SUCLA2: variants seen among roughly 807,000 people sequenced by gnomAD.
SUCLA2 encodes succinate--CoA ligase [ADP-forming] subunit beta, mitochondrial.
In SUCLA2, 30 loss-of-function variants were observed where a neutral mutation model predicts 54.8. The observed-to-expected ratio is 0.55, with a 90% CI of 0.41 to 0.74. SUCLA2 has a LOEUF of 0.74. Among genes scored for constraint, SUCLA2 ranks in the 30% least tolerant of loss-of-function variants. SUCLA2 has a pLI of 0.00. For missense variants in SUCLA2, 476 were observed against 562.9 expected (o/e 0.85, Z 1.56); for synonymous variants, 172 against 188.9 (o/e 0.91, Z 0.74).
Position 47,973,328 on chromosome 13 carries a change from G to A in SUCLA2, c.599C>T (p.Pro200Leu). ...VNIEDVAAES[P>L]EAIIKEPIDI... ...AATAGGTTCTTTAATTATTGCTTCAGGAGACTCAGCAGCAACATCTTCAAT... is the reference window on the plus strand; with the variant it reads ...AATAGGTTCTTTAATTATTGCTTCAAGAGACTCAGCAGCAACATCTTCAAT... Residue 200 changes from proline (P) to leucine (L), a missense_variant, in exon 5 of 11, where the codon CCT (proline) becomes CTT (leucine). Physicochemically the swap from Pro to Leu is moderately conservative, Grantham distance 98. Coordinates refer to ENST00000646932, the MANE Select transcript of SUCLA2 (RefSeq NM_003850.3). 1 of 1,613,380 alleles carries A rather than the reference G, an allele frequency of 6.2e-7. No individual in the cohort carries two copies.
chr13:47,947,682 C>T (rs1030955974), intron 10 of SUCLA2, among the ~76,000 whole-genome samples: 1 of 152,082 alleles, frequency 6.6e-6, no homozygotes, highest in South Asian at 2.1e-4. Flanking sequence ...CCCTGCTCCC[C>T]AAAATCAAAT....
chr13:47,989,088 A>G, intron 2 of SUCLA2, 107 bp from the exon 3 acceptor site: 2 of 1,113,370 alleles, frequency 1.8e-6, no homozygotes, highest in Non-Finnish European at 2.7e-6. Flanking sequence ...ATCAAGTCTA[A>G]TTTATTCACA....
At chr13:47,951,488 T>A (rs927082214) in intron 8 of SUCLA2, among the ~76,000 whole-genome samples, 3 of 152,288 alleles carry the variant, frequency 2.0e-5, no homozygotes, top group Middle Eastern at 3.4e-3. Context: ...TCCTCTGCCA[T>A]CCTACTTCAA....
At chr13:47,992,968 G>A (rs765230761) in intron 2 of SUCLA2, among the ~76,000 whole-genome samples, 21 of 152,152 alleles carry the variant, frequency 1.4e-4, no homozygotes, top group Non-Finnish European at 1.8e-4. Flanking sequence ...AGTGGCTCAC[G>A]CCTGTAGTCC....
At chr13:47,989,975 C>G (rs1950137039) in intron 2 of SUCLA2, among the ~76,000 whole-genome samples, 1 of 152,164 alleles carries the variant, frequency 6.6e-6, no homozygotes, top group Non-Finnish European at 1.5e-5. Flanking sequence ...CTATTTATCC[C>G]TTTTCCTCTC....
At chr13:47,984,470 G>A (rs1031286053) in intron 4 of SUCLA2, among the ~76,000 whole-genome samples, 60 of 151,940 alleles carry the variant, frequency 3.9e-4, no homozygotes, top group Non-Finnish European at 7.4e-4. Context: ...CCAAAGTGTC[G>A]GGATTACAGG....
intron 6 of SUCLA2, among the ~76,000 whole-genome samples, chr13:47,959,269 G>T (rs1949846796): frequency 6.6e-6 from 1 of 151,882 alleles, no homozygotes; most frequent in South Asian, 2.1e-4. Context: ...ACAAGTGGGG[G>T]AGAAAGGTAT....
chr13:47,950,561 A>T (rs945105226), intron 8 of SUCLA2, among the ~76,000 whole-genome samples: 3 of 152,154 alleles, frequency 2.0e-5, no homozygotes, highest in African/African-American at 4.8e-5. Context: ...TACATTTCAC[A>T]TCCAAATCTC....
chr13:47,995,842 A>G (rs906938102), intron 2 of SUCLA2, among the ~76,000 whole-genome samples: 1 of 151,926 alleles, frequency 6.6e-6, no homozygotes, highest in Non-Finnish European at 1.5e-5. Flanking sequence ...ATCAAAAATT[A>G]TTTTTTGATT....
intron 6 of SUCLA2, among the ~76,000 whole-genome samples, chr13:47,960,424 A>C (rs1949860690): frequency 6.6e-6 from 1 of 152,188 alleles, no homozygotes; most frequent in African/African-American, 2.4e-5. Flanking sequence ...CACACACACA[A>C]AAATAATAAT....
chr13:47,964,770 C>T (rs866729016), intron 6 of SUCLA2, among the ~76,000 whole-genome samples: 9 of 151,886 alleles, frequency 5.9e-5, no homozygotes, highest in African/African-American at 1.9e-4. Context: ...GGCAGGAGAA[C>T]GGCATGAACC....
chr13:47,957,251 G>A (rs1166585640), intron 6 of SUCLA2, among the ~76,000 whole-genome samples: 1 of 152,122 alleles, frequency 6.6e-6, no homozygotes, highest in Non-Finnish European at 1.5e-5. Context: ...ACTGAGCTCC[G>A]ATCTCCTCAG....
Position 47,949,555 on chromosome 13 carries a change from C to T in SUCLA2, c.1156G>A (p.Val386Ile), listed in dbSNP as rs1305307575. 4 of 1,613,444 alleles carry T rather than the reference C, an allele frequency of 2.5e-6. No individual in the cohort carries two copies. Among genetic ancestry groups the T allele is most frequent in the Non-Finnish European group, 3.4e-6 (4 of 1,179,522 alleles). ...NIFGGIMRCD[V>I]IAQGIVMAVK... ...GCCATGACTATACCCTGTGCAATAA[C>T]ATCACAGCGCATGATTCCTCCAAAA... Residue 386 changes from valine (V) to isoleucine (I), a missense_variant, in exon 9 of 11, where the codon GTT becomes ATT. Coordinates refer to ENST00000646932, the MANE Select transcript of SUCLA2 (RefSeq NM_003850.3).
intron 4 of SUCLA2, among the ~76,000 whole-genome samples, chr13:47,976,705 C>T (rs1950016612): frequency 6.6e-6 from 1 of 152,120 alleles, no homozygotes; most frequent in Admixed American, 6.5e-5. Context: ...ATGCTTAGGA[C>T]CAGAAGATTT....
At chr13:47,990,642 C>T (rs888341502) in intron 2 of SUCLA2, among the ~76,000 whole-genome samples, 3 of 151,942 alleles carry the variant, frequency 2.0e-5, no homozygotes, top group African/African-American at 7.3e-5. Context: ...CATTATATCC[C>T]AAGCACAAGG....
In SUCLA2 at chr13:47,943,140, A is replaced by C; in HGVS notation, c.*231T>G. 2.0e-6 allele frequency: 1 copy of C among 493,140 alleles called. No homozygotes were observed. Among genetic ancestry groups the C allele is most frequent in the South Asian group, 2.5e-5 (1 of 39,300 alleles). 30.5% of individuals were successfully genotyped at this position (493,140 alleles called of 1,614,324 possible). ...TTACGTTTTGTAGGAGAAGCAAAAA[A>C]GACTGGCTGCGACAAAAGAAAGAAG... On this transcript the variant is annotated 3_prime_UTR_variant, in exon 11 of 11. Coordinates refer to ENST00000646932, the MANE Select transcript of SUCLA2 (RefSeq NM_003850.3).
intron 4 of SUCLA2, among the ~76,000 whole-genome samples, chr13:47,980,700 G>T (rs1950054513): frequency 1.3e-5 from 2 of 151,720 alleles, no homozygotes; most frequent in African/African-American, 4.8e-5. Flanking sequence ...ATATTACAAG[G>T]TTACAGTTAT....
rs1949938498 is a variant in SUCLA2 at position 47,968,736 on chromosome 13, G to A, written c.664-3C>T. 1 of 1,612,126 alleles carries A rather than the reference G, an allele frequency of 6.2e-7. No individual in the cohort carries two copies. Among genetic ancestry groups the A allele is most frequent in the Admixed American group, 1.7e-5 (1 of 59,980 alleles). ...GGAAATCCCATCTTCTGTGCAAGCTGAAATCAATATGTCTTTTTATTATAG... is the reference window on the plus strand; with the variant it reads ...GGAAATCCCATCTTCTGTGCAAGCTAAAATCAATATGTCTTTTTATTATAG... On this transcript the variant is annotated splice_polypyrimidine_tract_variant and splice_region_variant and intron_variant, in intron 5 of 10. Coordinates refer to ENST00000646932, the MANE Select transcript of SUCLA2 (RefSeq NM_003850.3).
intron 6 of SUCLA2, among the ~76,000 whole-genome samples, chr13:47,963,268 T>C (rs185420137): frequency 3.9e-5 from 6 of 152,184 alleles, no homozygotes; most frequent in Admixed American, 3.9e-4. Context: ...ATTATAAACA[T>C]AGAAAGTGGT....
Sources: gnomAD v4.1 joint callset for allele counts (sites outside exome capture counted in the v4.1 genomes callset) on GRCh38, gnomAD v4.1.1 for gene constraint, MANE v1.5 for transcripts, NCBI Gene and HGNC (gene_info 2026-07-23, HGNC 2026-07-21) for gene names.